Variants in SLC39A14 observed in about 807,000 individuals in gnomAD.
The protein encoded by SLC39A14 is metal cation symporter ZIP14.
SLC39A14 carries 19 observed loss-of-function variants against 45.5 expected under a neutral mutation model. The ratio of observed to expected loss-of-function variants is 0.42; its 90% CI spans 0.29 to 0.61. The LOEUF (loss-of-function observed/expected upper bound fraction) is 0.61. Among genes scored for constraint, SLC39A14 ranks in the 20% least tolerant of loss-of-function variants. The pLI is 0.22. For synonymous variants in SLC39A14, 264 were observed against 251.3 expected, an observed-to-expected ratio of 1.05 and a Z score of -0.48; for missense variants, 447 against 616.5, an observed-to-expected ratio of 0.73 and a Z score of 2.91.
intron 1 of SLC39A14, among the ~76,000 whole-genome samples, chr8:22,394,327 CTTT>C (rs139730659): frequency 3.0e-5 from 4 of 132,054 alleles, no homozygotes; most frequent in Admixed American, 1.5e-4. Flanking sequence ...TTTATTATGT[CTTT>C]TTTTTTTTTT....
At chr8:22,368,971 G>A (rs1000045005) in intron 1 of SLC39A14, among the ~76,000 whole-genome samples, 2 of 152,120 alleles carry the variant, frequency 1.3e-5, no homozygotes, top group African/African-American at 4.8e-5. Flanking sequence ...GCCACCCCAA[G>A]GATATACATC....
chr8:22,400,396 T>C (rs1190930740), intron 1 of SLC39A14, among the ~76,000 whole-genome samples: 2 of 152,214 alleles, frequency 1.3e-5, no homozygotes, highest in Non-Finnish European at 2.9e-5. Flanking sequence ...GTCCATCATC[T>C]CTTTGCCTTT....
intron 8 of SLC39A14, among the ~76,000 whole-genome samples, chr8:22,429,970 C>T (rs770477603): frequency 2.0e-5 from 3 of 152,126 alleles, no homozygotes; most frequent in Non-Finnish European, 4.4e-5. Context: ...GGCCGGCCAA[C>T]GCAAGAATGC....
intron 1 of SLC39A14, among the ~76,000 whole-genome samples, chr8:22,399,510 C>T (rs368740801): frequency 1.3e-5 from 2 of 152,162 alleles, no homozygotes; most frequent in African/African-American, 2.4e-5. Context: ...GGGCTGTGCT[C>T]GCTGAATCTG....
intron 1 of SLC39A14, among the ~76,000 whole-genome samples, chr8:22,370,192 G>T (rs1832854061): frequency 3.9e-5 from 6 of 152,100 alleles, no homozygotes; most frequent in Admixed American, 3.3e-4. Flanking sequence ...GCGTGTGCGT[G>T]TGTGTAGGGT....
intron 1 of SLC39A14, among the ~76,000 whole-genome samples, chr8:22,381,273 T>G (rs1283202023): frequency 9.2e-6 from 1 of 108,942 alleles, no homozygotes; most frequent in African/African-American, 3.6e-5. Context: ...CGCCCAGCCC[T>G]ACTCTTTTTT....
intron 1 of SLC39A14, among the ~76,000 whole-genome samples, chr8:22,396,414 G>A (rs1250208806): frequency 0.24 from 215 of 894 alleles, 7 homozygotes; most frequent in African/African-American, 0.26. Context: ...AGAGAGAGAG[G>A]GGGGGGGGAG....
chr8:22,414,839 G>A lies in SLC39A14; in HGVS notation c.687G>A (p.Gly229=), dbSNP rs201597604. 10 of 1,613,086 alleles carry A rather than the reference G, an allele frequency of 6.2e-6. No homozygotes were observed. In the South Asian group the frequency reaches 1.1e-4, roughly 18 times the overall value. ...TCTCCAAGTCTGCAGTGGTGTTTGGGGGCTTTTATCTTTTCTTTTTCACAG... is the reference window on the plus strand; with the variant it reads ...TCTCCAAGTCTGCAGTGGTGTTTGGAGGCTTTTATCTTTTCTTTTTCACAG... ...YYVSKSAVVF[G]GFYLFFFTEK... Residue 229 remains glycine, a synonymous_variant, in exon 5 of 9, where the codon GGG becomes GGA. Coordinates refer to ENST00000381237, the MANE Select transcript of SLC39A14 (RefSeq NM_001128431.4).
chr8:22,398,624 A>G (rs1834656578), intron 1 of SLC39A14: 6 of 697,680 alleles, frequency 8.6e-6, no homozygotes, highest in South Asian at 6.5e-5. Flanking sequence ...GCCTGTTCTC[A>G]TATCTATGCC....
At chr8:22,415,558 AGTGCTGGGATTACAG>A (rs1259705751) in intron 5 of SLC39A14, 196 bp from the exon 6 acceptor site, 13 of 491,450 alleles carry the variant, frequency 2.6e-5, no homozygotes. Flanking sequence ...GGCCTCCCAC[AGTGCTGGGATTACAG>A]GTGTGAGCCA....
intron 1 of SLC39A14, among the ~76,000 whole-genome samples, chr8:22,373,979 C>T (rs188682885): frequency 6.6e-6 from 1 of 152,290 alleles, no homozygotes; most frequent in African/African-American, 2.4e-5. Context: ...AGGCTGGTCT[C>T]GAACTCGAGC....
chr8:22,404,803 A>T lies in SLC39A14; in HGVS notation c.93A>T (p.Ser31=). 1.2e-6 allele frequency: 2 copies of T among 1,613,522 alleles called. No individual in the cohort carries two copies. The highest frequency in any genetic ancestry group is 1.7e-6 in the Non-Finnish European group (2 of 1,179,500). The change falls in exon 2 of 9, where the codon TCA becomes TCT. Residue 31 remains serine (S), a synonymous_variant. Transcript: ENST00000381237. ...GAACCACCCCTGAGGCTCACGCTTC[A>T]TCCCTGGGTGCACCAGCTATCAGCG... The part of the protein sequence containing the change: ...LWRTTPEAHA[S]SLGAPAISAA...
In SLC39A14 at chr8:22,415,858, G is replaced by A; in HGVS notation, c.840G>A (p.Gly280=). The A allele has an allele frequency of 6.2e-7, 1 of 1,613,304 alleles. No homozygotes were observed. The highest frequency in any genetic ancestry group is 8.5e-7 in the Non-Finnish European group (1 of 1,179,820). ...EEGVMEKLQN[G]DLDHMIPQHC... Reference sequence around the variant, plus strand: ...GGGTGATGGAGAAGCTGCAGAACGGGGACCTGGACCACATGATTCCTCAGC... The same window carrying A: ...GGGTGATGGAGAAGCTGCAGAACGGAGACCTGGACCACATGATTCCTCAGC... Residue 280 remains glycine (G), a synonymous_variant, in exon 6 of 9, where the codon GGG becomes GGA. Transcript: ENST00000381237.
In SLC39A14 at chr8:22,417,619, C is replaced by A. The variant is rs202035646; in HGVS notation, c.1148-32C>A. The A allele has an allele frequency of 7.3e-5, 116 of 1,591,006 alleles. 1 individual carries two copies. The highest frequency in any genetic ancestry group is 2.8e-5 in the Non-Finnish European group (32 of 1,162,650). ...CATGCCCATCTTACTCTTCCTTCCT[C>A]GTCCCTCCCCTTTTCATTCTCGCTG... On this transcript the variant is annotated intron_variant, in intron 7 of 8. Transcript: ENST00000381237.
intron 1 of SLC39A14, among the ~76,000 whole-genome samples, chr8:22,394,972 G>A (rs369013116): frequency 4.6e-5 from 7 of 151,388 alleles, no homozygotes; most frequent in Non-Finnish European, 7.4e-5. Context: ...ATTTTTTCCC[G>A]TTTGAAAGAA....
downstream of SLC39A14, among the ~76,000 whole-genome samples, chr8:22,425,885 T>C (rs1836376456): frequency 7.8e-6 from 1 of 127,928 alleles, no homozygotes; most frequent in African/African-American, 2.6e-5. Flanking sequence ...TCTAGATGGT[T>C]TTTGTTTTTT....
chr8:22,411,867 C>T lies in SLC39A14; in HGVS notation c.458-170C>T, dbSNP rs956428613. ...TTTTCTATTTCTCTCTCCCTCCCTA[C>T]TTGTCTCTCTCTGATTTTTCTTTTT... On this transcript the variant is annotated intron_variant, in intron 3 of 8. Transcript: ENST00000381237. 2.9e-5 allele frequency: 17 copies of T among 592,276 alleles called. No homozygotes were observed. The East Asian group carries it at 4.5e-4, about 16-fold the overall frequency. 36.7% of individuals were successfully genotyped at this position (592,276 alleles called of 1,614,324 possible).
chr8:22,383,045 A>G (rs983550531), intron 1 of SLC39A14, among the ~76,000 whole-genome samples: 10 of 152,092 alleles, frequency 6.6e-5, no homozygotes, highest in African/African-American at 2.4e-4. Flanking sequence ...GCCTGAGGAT[A>G]GGGATCCTTG....
intron 1 of SLC39A14, among the ~76,000 whole-genome samples, chr8:22,401,543 C>CTTTTTTTTTTTTTTTTTTTTT (rs71544899): frequency 4.8e-5 from 4 of 84,054 alleles, no homozygotes; most frequent in Non-Finnish European, 8.1e-5. Context: ...TCTTCTCTTT[C>CTTTTTTTTTTTTTTTTTTTTT]TTTTTTTTTT....
Sources: gnomAD v4.1 joint callset for allele counts (sites outside exome capture counted in the v4.1 genomes callset) on GRCh38, gnomAD v4.1.1 for gene constraint, MANE v1.5 for transcripts, NCBI Gene and HGNC (gene_info 2026-07-23, HGNC 2026-07-21) for gene names.